Variants in SP100 observed in about 807,000 individuals in gnomAD.
SP100 encodes nuclear autoantigen Sp-100.
SP100 carries 84 observed loss-of-function variants against 130.0 expected under a neutral mutation model. The observed-to-expected ratio is 0.65, with a 90% CI of 0.54 to 0.77. The LOEUF (loss-of-function observed/expected upper bound fraction) is 0.77. SP100 is among the 30% of genes least tolerant of loss of function. The pLI is 0.00. For missense variants in SP100, 978 were observed against 1,052.2 expected (o/e 0.93, Z 0.97); for synonymous variants, 331 against 351.7 (o/e 0.94, Z 0.66).
chr2:230,418,336 T>A (rs947326846), intron 2 of SP100, among the ~76,000 whole-genome samples: 1 of 152,246 alleles, frequency 6.6e-6, no homozygotes, highest in Non-Finnish European at 1.5e-5. Context: ...GGATCTTAAT[T>A]GGTTTCTGTA....
At chr2:230,500,966 G>T (rs2066986288) in intron 19 of SP100, among the ~76,000 whole-genome samples, 1 of 152,164 alleles carries the variant, frequency 6.6e-6, no homozygotes, top group Non-Finnish European at 1.5e-5. Flanking sequence ...GTTCAGGCCA[G>T]GTGTGGTGGC....
chr2:230,460,859 A>G lies in SP100; in HGVS notation c.821-403A>G, dbSNP rs1226147545. On this transcript the variant is annotated intron_variant, in intron 8 of 28. Transcript: ENST00000340126. Reference sequence around the variant, plus strand: ...AGGATGGTCTCGATCTCCTGACCTCATGATCCACCCGCCTCGGCCTCCCAA... The same window carrying G: ...AGGATGGTCTCGATCTCCTGACCTCGTGATCCACCCGCCTCGGCCTCCCAA... Among the ~76,000 whole-genome samples, 5 of 21,046 alleles carry G rather than the reference A, an allele frequency of 2.4e-4. 2 individuals carry two copies. The highest frequency in any genetic ancestry group is 1.6e-3 in the East Asian group (4 of 2,542). The allele number at this position is 21,046 out of a possible 152,430, so 13.8% of individuals were successfully genotyped here. A position where few individuals can be genotyped will look rare whatever the true frequency, so the allele number is the denominator to read the frequency against.
At chr2:230,541,070 G>A (rs1692154040) in intron 26 of SP100, 74 bp downstream of exon 26, 5 of 1,539,350 alleles carry the variant, frequency 3.2e-6, no homozygotes, top group Non-Finnish European at 4.4e-6. Context: ...CTTACAAAGT[G>A]CTCAAGGAAT....
chr2:230,437,661 C>T (rs535833824), intron 2 of SP100, among the ~76,000 whole-genome samples: 3 of 152,168 alleles, frequency 2.0e-5, no homozygotes, highest in Non-Finnish European at 4.4e-5. Flanking sequence ...CAGGTTCAAG[C>T]AATTCTCCTG....
At chr2:230,506,600 A>G in intron 22 of SP100, 155 bp downstream of exon 22, 1 of 670,028 alleles carries the variant, frequency 1.5e-6, no homozygotes, top group Non-Finnish European at 2.5e-6. Flanking sequence ...TCACCTGAAC[A>G]TTACGTTGGC....
intron 27 of SP100, 92 bp from the exon 28 acceptor site, chr2:230,541,800 T>C: frequency 1.4e-6 from 2 of 1,388,944 alleles, no homozygotes; most frequent in Non-Finnish European, 2.0e-6. Flanking sequence ...TTTTGACCTA[T>C]GGATTGGGGG....
intron 15 of SP100, among the ~76,000 whole-genome samples, chr2:230,471,450 C>A (rs1351397777): frequency 6.6e-6 from 1 of 152,158 alleles, no homozygotes; most frequent in Non-Finnish European, 1.5e-5. Context: ...CTTCATTGTC[C>A]TGTGAATTTA....
intron 14 of SP100, 38 bp from the exon 15 acceptor site, chr2:230,469,977 A>G (rs962591166): frequency 1.4e-5 from 23 of 1,586,310 alleles, no homozygotes; most frequent in Non-Finnish European, 1.7e-5. Context: ...CCTAAGACTC[A>G]GACTAAGACT....
intron 2 of SP100, among the ~76,000 whole-genome samples, chr2:230,442,552 C>T (rs1028588194): frequency 6.6e-6 from 1 of 152,118 alleles, no homozygotes; most frequent in African/African-American, 2.4e-5. Context: ...GATTAAGATG[C>T]ATATTCAAGG....
At chr2:230,481,220 T>TC (rs1228614541) in intron 17 of SP100, among the ~76,000 whole-genome samples, 1 of 152,138 alleles carries the variant, frequency 6.6e-6, no homozygotes, top group Non-Finnish European at 1.5e-5. Context: ...ATTTCTTTTC[T>TC]TCTCTCTCTC....
rs73095073 is a variant in SP100, at chr2:230,479,714, C to T, written c.1600+5267C>T. Reference sequence around the variant, plus strand: ...CCCCAACCAATAGTGTGGAAGGCTTCAGCACAGATGCCAAGATTTTGAGAG... The same window carrying T: ...CCCCAACCAATAGTGTGGAAGGCTTTAGCACAGATGCCAAGATTTTGAGAG... On this transcript the variant is annotated intron_variant, in intron 17 of 28. Transcript: ENST00000340126. 5.7e-3 allele frequency among the ~76,000 whole-genome samples: 874 copies of T among 152,330 alleles called. 11 individuals carry two copies. The highest frequency in any genetic ancestry group is 0.02 in the African/African-American group (831 of 41,564).
At chr2:230,458,994 C>G (rs765412182) in intron 8 of SP100, among the ~76,000 whole-genome samples, 6 of 152,132 alleles carry the variant, frequency 3.9e-5, no homozygotes, top group Non-Finnish European at 5.9e-5. Context: ...CAGGGCACAG[C>G]ATGTAAGGAG....
At chr2:230,515,528 A>G in intron 24 of SP100, 8 of 1,605,070 alleles carry the variant, frequency 5.0e-6, no homozygotes, top group Non-Finnish European at 6.8e-6. Context: ...GGAAAGCCTA[A>G]TTCAGCAAAA....
intron 17 of SP100, among the ~76,000 whole-genome samples, chr2:230,487,672 C>G (rs374037599): frequency 6.6e-6 from 1 of 152,124 alleles, no homozygotes; most frequent in South Asian, 2.1e-4. Flanking sequence ...TTCTTTGATT[C>G]CAAATGAAAT....
chr2:230,467,137 G>A lies in SP100; in HGVS notation c.1213G>A (p.Asp405Asn), dbSNP rs776688849. The A allele has an allele frequency of 5.9e-5, 95 of 1,613,598 alleles. No individual in the cohort carries two copies. Among genetic ancestry groups the A allele is most frequent in the Non-Finnish European group, 7.0e-5 (83 of 1,179,704 alleles). The change falls in exon 13 of 29, where the codon GAC (aspartate) becomes AAC (asparagine). Residue 405 changes from aspartate to asparagine, a missense_variant. Asp to Asn is a conservative substitution (Grantham distance 23, BLOSUM62 1). Coordinates refer to ENST00000340126, the MANE Select transcript of SP100 (RefSeq NM_001080391.2). ...FKKRVIGQDHDFSESSEEEAP... is the reference protein window; with the variant it reads ...FKKRVIGQDHNFSESSEEEAP... ...TTCTGCAGTGATAGGACAAGACCAC[G>A]ACTTTTCAGAATCCAGTGAGGAGGA...
intron 13 of SP100, 26 bp downstream of exon 13, chr2:230,467,241 G>T: frequency 6.6e-7 from 1 of 1,525,298 alleles, no homozygotes; most frequent in Non-Finnish European, 9.1e-7. Context: ...TTGACTTCAG[G>T]GCTCTGACTT....
intron 24 of SP100, among the ~76,000 whole-genome samples, chr2:230,528,878 G>C (rs1337970215): frequency 1.3e-5 from 2 of 152,126 alleles, no homozygotes; most frequent in African/African-American, 2.4e-5. Flanking sequence ...ACTAAACCAG[G>C]AAAAAGTTGA....
chr2:230,436,905 C>CATATAT lies in SP100; in HGVS notation c.108-6032_108-6031insATATAT, dbSNP rs1559486467. Among the ~76,000 whole-genome samples the CATATAT allele has an allele frequency of 1.0e-3, 66 of 63,266 alleles. 1 individual carries two copies. The highest frequency in any genetic ancestry group is 2.2e-3 in the African/African-American group (35 of 15,694). The allele number at this position is 63,266 out of a possible 152,430, so 41.5% of individuals were successfully genotyped here. ...ACACACATATATGTGTATACACACA[C>CATATAT]GCATATATGTGTATACACACAAGTG... On this transcript the variant is annotated intron_variant, in intron 2 of 28. Coordinates refer to ENST00000340126, the MANE Select transcript of SP100 (RefSeq NM_001080391.2).
chr2:230,461,864 G>A (rs2064659087), intron 9 of SP100, among the ~76,000 whole-genome samples: 1 of 151,852 alleles, frequency 6.6e-6, no homozygotes, highest in Non-Finnish European at 1.5e-5. Context: ...CAGGAGCATC[G>A]TTTGAGCCTG....
Sources: gnomAD v4.1 joint callset for allele counts (sites outside exome capture counted in the v4.1 genomes callset) on GRCh38, gnomAD v4.1.1 for gene constraint, MANE v1.5 for transcripts, NCBI Gene and HGNC (gene_info 2026-07-23, HGNC 2026-07-21) for gene names.